ADAMTS17: variants seen among roughly 807,000 people sequenced by gnomAD.
ADAMTS17 encodes the protein A disintegrin and metalloproteinase with thrombospondin motifs 17.
A neutral mutation model predicts 141.5 loss-of-function variants in ADAMTS17; 113 were observed. That is an observed-to-expected ratio of 0.80 (90% confidence interval 0.69 to 0.93). The LOEUF (loss-of-function observed/expected upper bound fraction) is 0.93, where lower values mean the gene tolerates loss of function less well. Among genes scored for constraint, ADAMTS17 ranks in the 40% least tolerant of loss-of-function variants. The pLI, the probability that ADAMTS17 is intolerant of heterozygous loss-of-function variation, is 0.00. For synonymous variants in ADAMTS17, 768 were observed against 630.6 expected, an observed-to-expected ratio of 1.22 and a Z score of -3.27; for missense variants, 1,659 against 1,517.9, an observed-to-expected ratio of 1.09 and a Z score of -1.54.
In ADAMTS17 at chr15:100,201,689, T is replaced by C. The variant is rs549921879; in HGVS notation, c.1076-2266A>G. The stretch of plus-strand genomic sequence containing the variant: ...TAGTTAAAAATAAATAAAGAACAAA[T>C]TAAATGTTATTTTGCCTCAAGATGG... On this transcript the variant is annotated intron_variant, in intron 7 of 21. Transcript: ENST00000268070. 4.6e-5 allele frequency among the ~76,000 whole-genome samples: 7 copies of C among 152,258 alleles called. No individual in the cohort carries two copies. In the South Asian group the frequency reaches 1.5e-3, roughly 32 times the overall value.
At chr15:100,107,607 G>GT (rs1328473714) in intron 14 of ADAMTS17, among the ~76,000 whole-genome samples, 2 of 152,122 alleles carry the variant, frequency 1.3e-5, no homozygotes, top group Non-Finnish European at 2.9e-5. Flanking sequence ...GTTTTGCGAG[G>GT]TGACTGGGTC....
At chr15:100,266,598 C>A (rs1181898157) in intron 4 of ADAMTS17, among the ~76,000 whole-genome samples, 1 of 152,210 alleles carries the variant, frequency 6.6e-6, no homozygotes, top group Non-Finnish European at 1.5e-5. Flanking sequence ...GTCGGCCTGC[C>A]CGCTTCTCAC....
chr15:100,064,339 C>CA (rs2141675066), intron 15 of ADAMTS17, among the ~76,000 whole-genome samples: 1 of 152,284 alleles, frequency 6.6e-6, no homozygotes, highest in East Asian at 1.9e-4. Context: ...ACTCCAGAAC[C>CA]AAAAGACAGT....
At chr15:100,062,118 C>T (rs1013059344) in intron 15 of ADAMTS17, among the ~76,000 whole-genome samples, 1 of 152,192 alleles carries the variant, frequency 6.6e-6, no homozygotes, top group Non-Finnish European at 1.5e-5. Flanking sequence ...TGCAGAGTGA[C>T]AGCTGGGACA....
At chr15:99,974,664 A>C in intron 21 of ADAMTS17, 102 bp from the exon 22 acceptor site, 1 of 1,441,016 alleles carries the variant, frequency 6.9e-7, no homozygotes, top group Non-Finnish European at 9.7e-7. Context: ...GGGCTCCCTC[A>C]CCCTCGTGCA....
chr15:100,254,149 C>A lies in ADAMTS17; in HGVS notation c.1062G>T (p.Pro354=), dbSNP rs145206425. The change falls in exon 7 of 22, where the codon CCG becomes CCT. Residue 354 remains proline (P), a synonymous_variant. Transcript: ENST00000268070. ...CTCTAAACTTACCAACAGTGTCACA[C>A]GGTTCATCCTTGTGTACACAGAAAT... is the stretch of plus-strand genomic sequence containing the variant. ...RTDFCVHKDE[P]CDTVGIAYLG... is the part of the protein sequence containing the mutation. 6.2e-7 allele frequency: 1 copy of A among 1,613,418 alleles called. No homozygotes were observed. Among genetic ancestry groups the A allele is most frequent in the Non-Finnish European group, 8.5e-7 (1 of 1,179,404 alleles).
At chr15:100,251,333 A>C (rs1945286282) in intron 7 of ADAMTS17, among the ~76,000 whole-genome samples, 2 of 152,218 alleles carry the variant, frequency 1.3e-5, no homozygotes, top group African/African-American at 4.8e-5. Context: ...AAAGTATCAA[A>C]TGAGCGGTGC....
chr15:100,087,069 G>C (rs1453592306), intron 15 of ADAMTS17, among the ~76,000 whole-genome samples: 1 of 152,098 alleles, frequency 6.6e-6, no homozygotes, highest in Non-Finnish European at 1.5e-5. Flanking sequence ...TTTTTGAAAA[G>C]ATCAACAAAT....
Position 100,027,698 on chromosome 15 carries a change from C to T in ADAMTS17, c.2591+21159G>A, listed in dbSNP as rs117619774. Among the ~76,000 whole-genome samples the T allele has an allele frequency of 9.5e-3, 1,441 of 152,326 alleles. 7 individuals carry two copies. Among genetic ancestry groups the T allele is most frequent in the Non-Finnish European group, 0.014 (927 of 68,038 alleles). ...TGGAAAAGTTTGCTGATTCCTGCTC[C>T]GGTAAATTCCTCAAGAAGGGCTCAT... On this transcript the variant is annotated intron_variant, in intron 18 of 21. Coordinates refer to ENST00000268070, the MANE Select transcript of ADAMTS17 (RefSeq NM_139057.4).
intron 12 of ADAMTS17, chr15:100,128,466 A>G (rs1366187169): frequency 6.6e-6 from 1 of 152,160 alleles, no homozygotes; most frequent in Non-Finnish European, 1.5e-5. Flanking sequence ...ATCAATGACT[A>G]ACAATCCGAC....
At chr15:100,340,369 G>GA (rs2046327140) in intron 2 of ADAMTS17, among the ~76,000 whole-genome samples, 1 of 152,182 alleles carries the variant, frequency 6.6e-6, no homozygotes, top group Admixed American at 6.5e-5. Context: ...CTGGGGGCAG[G>GA]AATAGGGTTT....
At chr15:100,100,309 C>T (rs986221598) in intron 14 of ADAMTS17, among the ~76,000 whole-genome samples, 5 of 149,052 alleles carry the variant, frequency 3.4e-5, no homozygotes, top group African/African-American at 1.2e-4. Context: ...CCGGGGCTCC[C>T]TGCTTTTTCC....
chr15:100,199,244 A>C, intron 8 of ADAMTS17, 74 bp downstream of exon 8: 1 of 1,352,178 alleles, frequency 7.4e-7, no homozygotes, highest in Non-Finnish European at 1.1e-6. Context: ...TTTAGAACTT[A>C]CAGAATTCAA....
At chr15:99,977,380 ATATATATATATATATATATAATTTTT>A (rs2060373320) in intron 20 of ADAMTS17, among the ~76,000 whole-genome samples, 3 of 24,872 alleles carry the variant, frequency 1.2e-4, no homozygotes, top group African/African-American at 7.0e-4. Context: ...ATATATATAT[ATATATATATATATATATATAATTTTT>A]TTTTTTTTTT....
chr15:100,067,353 T>G (rs535512359), intron 15 of ADAMTS17, among the ~76,000 whole-genome samples: 25 of 152,374 alleles, frequency 1.6e-4, no homozygotes, highest in African/African-American at 6.0e-4. Context: ...TCATTCTAAG[T>G]GTCGTTCCTT....
chr15:100,054,583 C>T (rs2032412307), intron 15 of ADAMTS17, among the ~76,000 whole-genome samples: 1 of 152,212 alleles, frequency 6.6e-6, no homozygotes, highest in African/African-American at 2.4e-5. Context: ...CCCCCCATTA[C>T]TAAAGTGGAC....
intron 10 of ADAMTS17, among the ~76,000 whole-genome samples, chr15:100,146,119 G>C (rs561253927): frequency 6.6e-6 from 1 of 152,358 alleles, no homozygotes; most frequent in Non-Finnish European, 1.5e-5. Context: ...GTTGCACTGA[G>C]CTGAGATCGA....
At chr15:100,300,269 C>T (rs2044983446) in intron 3 of ADAMTS17, among the ~76,000 whole-genome samples, 1 of 152,134 alleles carries the variant, frequency 6.6e-6, no homozygotes, top group African/African-American at 2.4e-5. Flanking sequence ...GAGTGCTCAA[C>T]CAACCAACCA....
intron 8 of ADAMTS17, among the ~76,000 whole-genome samples, chr15:100,171,857 T>C (rs1262911909): frequency 6.6e-6 from 1 of 152,214 alleles, no homozygotes; most frequent in Non-Finnish European, 1.5e-5. Context: ...AGAACTTCTT[T>C]TAAAAGGTCT....
Sources: allele counts gnomAD v4.1 joint callset (sites outside exome capture counted in the v4.1 genomes callset), GRCh38; gene constraint gnomAD v4.1.1; transcripts MANE v1.5; gene names NCBI Gene and HGNC (gene_info 2026-07-23, HGNC 2026-07-21).